FAM13C: variants seen among roughly 807,000 people sequenced by gnomAD.
The protein encoded by FAM13C is family with sequence similarity 13 member C, also known as protein FAM13C.
FAM13C carries 37 observed loss-of-function variants against 73.2 expected under a neutral mutation model. The observed-to-expected ratio is 0.51, with a 90% CI of 0.39 to 0.67. The LOEUF is 0.67. Ranked by LOEUF, FAM13C falls within the 30% of genes least tolerant of loss-of-function variation. The pLI is 0.00. For missense variants in FAM13C, 589 were observed against 715.6 expected, an observed-to-expected ratio of 0.82 and a Z score of 2.02; for synonymous variants, 246 against 260.9, an observed-to-expected ratio of 0.94 and a Z score of 0.55.
chr10:59,310,749 C>A (rs1313277046), intron 4 of FAM13C, among the ~76,000 whole-genome samples: 1 of 152,156 alleles, frequency 6.6e-6, no homozygotes, highest in East Asian at 1.9e-4. Flanking sequence ...CAATGGTATA[C>A]CCTCCCAGAA....
intron 3 of FAM13C, among the ~76,000 whole-genome samples, chr10:59,326,528 C>T (rs191672193): frequency 1.4e-3 from 208 of 152,276 alleles, no homozygotes; most frequent in African/African-American, 4.9e-3. Context: ...TATAAGCCCC[C>T]CTCAGATCAG....
chr10:59,254,485 G>T, intron 10 of FAM13C, 42 bp from the exon 11 acceptor site: 2 of 1,179,898 alleles, frequency 1.7e-6, no homozygotes, highest in Non-Finnish European at 1.1e-6. Context: ...TCTCAGACAA[G>T]AATGAAAACG....
At chr10:59,339,347 C>G (rs750013240) in intron 3 of FAM13C, among the ~76,000 whole-genome samples, 1 of 152,048 alleles carries the variant, frequency 6.6e-6, no homozygotes, top group South Asian at 2.1e-4. Flanking sequence ...GAAAATATTC[C>G]CTATAGGGAG....
chr10:59,327,322 T>C (rs1373390235), intron 3 of FAM13C, among the ~76,000 whole-genome samples: 1 of 152,218 alleles, frequency 6.6e-6, no homozygotes, highest in Non-Finnish European at 1.5e-5. Context: ...CCAGCTGTCA[T>C]TTATTCATAA....
chr10:59,343,499 A>G (rs1004175318), intron 3 of FAM13C, among the ~76,000 whole-genome samples: 1 of 152,164 alleles, frequency 6.6e-6, no homozygotes, highest in Non-Finnish European at 1.5e-5. Context: ...CCAGTATTTC[A>G]TTCTCCCCCT....
rs868262298 is a variant in FAM13C, at chr10:59,286,785, G to A, written c.508-3338C>T. Among the ~76,000 whole-genome samples the A allele has an allele frequency of 3.3e-5, 5 of 151,694 alleles. 1 individual carries two copies. In the South Asian group the frequency reaches 1.0e-3, roughly 32 times the overall value. On this transcript the variant is annotated intron_variant, in intron 5 of 13. Transcript: ENST00000618804. ...GCAGTGGCTCATACCTGTAATCCCAGCACTTTGGGAGGTCAAGGCGGTGGA... is the reference window on the plus strand; with the variant it reads ...GCAGTGGCTCATACCTGTAATCCCAACACTTTGGGAGGTCAAGGCGGTGGA...
At chr10:59,309,612 T>C (rs529659828) in intron 4 of FAM13C, among the ~76,000 whole-genome samples, 2 of 152,352 alleles carry the variant, frequency 1.3e-5, no homozygotes, top group South Asian at 2.1e-4. Flanking sequence ...ATTCATACTT[T>C]AGATGCTAGA....
chr10:59,353,129 C>G (rs1855286668), intron 2 of FAM13C, among the ~76,000 whole-genome samples: 1 of 152,206 alleles, frequency 6.6e-6, no homozygotes, highest in Admixed American at 6.5e-5. Flanking sequence ...AGTTCTGGTT[C>G]TGAAGAAGAT....
chr10:59,333,715 GTTTT>G (rs1360580666), intron 3 of FAM13C, among the ~76,000 whole-genome samples: 1 of 150,686 alleles, frequency 6.6e-6, no homozygotes, highest in Non-Finnish European at 1.5e-5. Context: ...TCCCTTGTTT[GTTTT>G]ATTTAGTTTA....
intron 5 of FAM13C, chr10:59,300,882 C>T (rs1428813652): frequency 1.3e-5 from 2 of 152,196 alleles, no homozygotes; most frequent in Admixed American, 1.3e-4. Flanking sequence ...GCTGGTTGCA[C>T]ACTTTGTAAG....
At chr10:59,340,031 G>A (rs1853285183) in intron 3 of FAM13C, among the ~76,000 whole-genome samples, 3 of 152,116 alleles carry the variant, frequency 2.0e-5, no homozygotes. Flanking sequence ...GTAAGAGAAA[G>A]CCAAAATAAA....
chr10:59,338,366 G>A (rs992503629), intron 3 of FAM13C, among the ~76,000 whole-genome samples: 11 of 152,040 alleles, frequency 7.2e-5, no homozygotes, highest in African/African-American at 2.2e-4. Context: ...GAAGTCCATG[G>A]CCTCTCAAGC....
At chr10:59,248,877 A>G (rs1841015655) in intron 13 of FAM13C, among the ~76,000 whole-genome samples, 1 of 152,188 alleles carries the variant, frequency 6.6e-6, no homozygotes, top group Non-Finnish European at 1.5e-5. Context: ...CAGAACTCAG[A>G]ACAGTATACA....
Position 59,268,481 on chromosome 10 carries a change from A to T in FAM13C, c.942+72T>A. The T allele has an allele frequency of 2.5e-6, 4 of 1,576,486 alleles. No homozygotes were observed. In the African/African-American group the frequency reaches 4.1e-5, roughly 16 times the overall value. On this transcript the variant is annotated intron_variant, in intron 8 of 13. Coordinates refer to ENST00000618804, the MANE Select transcript of FAM13C (RefSeq NM_198215.4). ...TGGCAAAGAAGGGCACCCAGAAAGG[A>T]AGGACAGAGGCTGAGGAGAATCCAG...
chr10:59,286,516 A>AATATATATATAT lies in FAM13C; in HGVS notation c.508-3081_508-3070dup, dbSNP rs1159774665. Among the ~76,000 whole-genome samples the AATATATATATAT allele has an allele frequency of 7.8e-3, 870 of 110,868 alleles. 26 individuals are homozygous for AATATATATATAT. Among genetic ancestry groups the AATATATATATAT allele is most frequent in the African/African-American group, 0.019 (542 of 29,286 alleles). 72.7% of individuals were successfully genotyped at this position (110,868 alleles called of 152,430 possible). On this transcript the variant is annotated intron_variant, in intron 5 of 13. Coordinates refer to ENST00000618804, the MANE Select transcript of FAM13C (RefSeq NM_198215.4). The stretch of plus-strand genomic sequence containing the variant: ...GGCAACAGAGCAAGACTCCATCTCA[A>AATATATATATAT]ATATATATATATATATATATATATA...
chr10:59,322,078 G>A (rs189899527), intron 4 of FAM13C, among the ~76,000 whole-genome samples: 21 of 152,230 alleles, frequency 1.4e-4, no homozygotes, highest in African/African-American at 3.1e-4. Flanking sequence ...CTGGCCAGAC[G>A]CCTGCTTAAA....
intron 6 of FAM13C, among the ~76,000 whole-genome samples, chr10:59,282,395 T>C (rs949342263): frequency 6.6e-6 from 1 of 152,184 alleles, no homozygotes; most frequent in African/African-American, 2.4e-5. Context: ...TTCTTTCTTT[T>C]TTCTTTAAAA....
intron 1 of FAM13C, among the ~76,000 whole-genome samples, chr10:59,359,928 T>A (rs1486781200): frequency 6.6e-6 from 1 of 152,242 alleles, no homozygotes; most frequent in African/African-American, 2.4e-5. Flanking sequence ...GCTGGGGCAA[T>A]GTCACGATTG....
Position 59,283,390 on chromosome 10 carries a change from C to A in FAM13C, c.565G>T (p.Val189Leu), listed in dbSNP as rs369435988. ...GCAGAATCTGTCCCATCGGCAAGCA[C>A]GCTCTGGGTTGATGCTGGCGCCGGG... is the stretch of plus-strand genomic sequence containing the variant. ...KDPAPASTQS[V>L]LADGTDSADP... is the part of the protein sequence containing the mutation. Residue 189 changes from valine to leucine, a missense_variant, in exon 6 of 14, where the codon GTG becomes TTG. Coordinates refer to ENST00000618804, the MANE Select transcript of FAM13C (RefSeq NM_198215.4). 1 of 1,614,206 alleles carries A rather than the reference C, an allele frequency of 6.2e-7. No homozygotes were observed. The highest frequency in any genetic ancestry group is 8.5e-7 in the Non-Finnish European group (1 of 1,180,020).
Sources: gnomAD v4.1 joint callset for allele counts (sites outside exome capture counted in the v4.1 genomes callset) on GRCh38, gnomAD v4.1.1 for gene constraint, MANE v1.5 for transcripts, NCBI Gene and HGNC (gene_info 2026-07-23, HGNC 2026-07-21) for gene names.